SPOCK1: variants seen among roughly 807,000 people sequenced by gnomAD.
The protein encoded by SPOCK1 is testican-1.
In SPOCK1, 23 loss-of-function variants were observed where a neutral mutation model predicts 55.3. The observed-to-expected ratio is 0.42, with a 90% CI of 0.30 to 0.59. The LOEUF (loss-of-function observed/expected upper bound fraction) is 0.59, where lower values mean the gene tolerates loss of function less well. Among genes scored for constraint, SPOCK1 ranks in the 20% least tolerant of loss-of-function variants. SPOCK1 has a pLI of 0.22. For synonymous variants in SPOCK1, 226 were observed against 221.0 expected (o/e 1.02, Z -0.20); for missense variants, 499 against 552.5 (o/e 0.90, Z 0.97).
chr5:137,097,020 C>T (rs1315742217), intron 5 of SPOCK1, among the ~76,000 whole-genome samples: 10 of 152,170 alleles, frequency 6.6e-5, no homozygotes, highest in Admixed American at 5.9e-4. Context: ...ACCCATCTTT[C>T]GAGACTGGCA....
intron 2 of SPOCK1, among the ~76,000 whole-genome samples, chr5:137,481,198 A>T (rs1753943565): frequency 6.6e-6 from 1 of 152,028 alleles, no homozygotes; most frequent in African/African-American, 2.4e-5. Context: ...TCTCTCTGCA[A>T]GCCTCTCTGA....
chr5:137,016,120 G>GA (rs908800873), intron 6 of SPOCK1, among the ~76,000 whole-genome samples: 6 of 152,060 alleles, frequency 3.9e-5, no homozygotes, highest in Non-Finnish European at 7.4e-5. Flanking sequence ...TACCCCACTG[G>GA]AAAAAAGGCC....
At chr5:137,312,762 A>C (rs1757811729) in intron 2 of SPOCK1, among the ~76,000 whole-genome samples, 1 of 152,158 alleles carries the variant, frequency 6.6e-6, no homozygotes. Context: ...AGAGGTTCTG[A>C]AAAGAGATGC....
At chr5:137,002,865 G>A (rs1308336572) in intron 6 of SPOCK1, among the ~76,000 whole-genome samples, 1 of 152,156 alleles carries the variant, frequency 6.6e-6, no homozygotes, top group Non-Finnish European at 1.5e-5. Flanking sequence ...CCACTGTGGA[G>A]AGCCAGACTG....
chr5:137,414,416 TATGTGCTGGG>T (rs1752286042), intron 2 of SPOCK1, among the ~76,000 whole-genome samples: 1 of 152,242 alleles, frequency 6.6e-6, no homozygotes, highest in Non-Finnish European at 1.5e-5. Flanking sequence ...TTTGTTAATT[TATGTGCTGGG>T]TAAATTCACT....
chr5:137,340,408 G>A (rs963013407), intron 2 of SPOCK1, among the ~76,000 whole-genome samples: 2 of 152,200 alleles, frequency 1.3e-5, no homozygotes, highest in Admixed American at 6.5e-5. Flanking sequence ...ATCCAGGGCT[G>A]GCTGGATTCC....
intron 2 of SPOCK1, among the ~76,000 whole-genome samples, chr5:137,426,182 T>G (rs960706575): frequency 2.6e-5 from 4 of 152,242 alleles, no homozygotes; most frequent in African/African-American, 9.6e-5. Flanking sequence ...TTCATATGCC[T>G]GGCCAACAGT....
intron 2 of SPOCK1, among the ~76,000 whole-genome samples, chr5:137,396,480 G>A (rs922273966): frequency 4.6e-5 from 7 of 152,160 alleles, no homozygotes; most frequent in Non-Finnish European, 5.9e-5. Flanking sequence ...CATTAATTCC[G>A]GTGTCTGATA....
intron 3 of SPOCK1, among the ~76,000 whole-genome samples, chr5:137,217,809 C>T (rs989575858): frequency 1.3e-5 from 2 of 152,174 alleles, no homozygotes; most frequent in Admixed American, 6.5e-5. Flanking sequence ...GAGGAAATTA[C>T]AGCTCCGAGA....
chr5:137,199,791 C>G (rs1316730428), intron 3 of SPOCK1, among the ~76,000 whole-genome samples: 2 of 152,154 alleles, frequency 1.3e-5, no homozygotes, highest in Non-Finnish European at 2.9e-5. Context: ...ACTCCCAAAG[C>G]TTTTACATGC....
intron 3 of SPOCK1, among the ~76,000 whole-genome samples, chr5:137,200,493 A>T (rs1191403429): frequency 2.0e-5 from 3 of 152,088 alleles, no homozygotes; most frequent in Admixed American, 2.0e-4. Context: ...TGTCTCCCTC[A>T]CCAGCATCTA....
chr5:137,314,871 G>A (rs760026680), intron 2 of SPOCK1, among the ~76,000 whole-genome samples: 64 of 152,162 alleles, frequency 4.2e-4, no homozygotes, highest in Non-Finnish European at 7.3e-4. Context: ...CCAGTTCCAT[G>A]TCTTTAATTG....
At chr5:137,099,672 G>GTATA (rs34813771) in intron 5 of SPOCK1, among the ~76,000 whole-genome samples, 29 of 151,342 alleles carry the variant, frequency 1.9e-4, no homozygotes, top group Admixed American at 6.6e-4. Context: ...ATGTACATGT[G>GTATA]TATATATATA....
intron 6 of SPOCK1, among the ~76,000 whole-genome samples, chr5:136,995,838 G>C (rs1328846303): frequency 6.6e-6 from 1 of 152,154 alleles, no homozygotes; most frequent in African/African-American, 2.4e-5. Flanking sequence ...CTGTCACTCA[G>C]GGACAAGTCC....
At chr5:137,044,793 C>G (rs11953556) in intron 6 of SPOCK1, among the ~76,000 whole-genome samples, 1 of 132,886 alleles carries the variant, frequency 7.5e-6, no homozygotes, top group Non-Finnish European at 1.6e-5. Context: ...TCCCTCCCCC[C>G]TCCCCCGACC....
intron 2 of SPOCK1, among the ~76,000 whole-genome samples, chr5:137,391,169 G>A (rs1751714662): frequency 6.6e-6 from 1 of 152,112 alleles, no homozygotes; most frequent in Admixed American, 6.5e-5. Flanking sequence ...TTTTGTTCCT[G>A]TGTTAGTTTG....
At chr5:137,251,731 G>A (rs1756533783) in intron 3 of SPOCK1, among the ~76,000 whole-genome samples, 1 of 152,300 alleles carries the variant, frequency 6.6e-6, no homozygotes, top group East Asian at 1.9e-4. Flanking sequence ...AGAGCTCACA[G>A]TAAAATGTTT....
intron 2 of SPOCK1, among the ~76,000 whole-genome samples, chr5:137,475,715 T>C (rs1235162320): frequency 6.6e-6 from 1 of 152,128 alleles, no homozygotes; most frequent in African/African-American, 2.4e-5. Context: ...CATGAGTAGC[T>C]GGGACTACAA....
chr5:137,358,790 ACT>A (rs905947452), intron 2 of SPOCK1, among the ~76,000 whole-genome samples: 1 of 152,076 alleles, frequency 6.6e-6, no homozygotes, highest in Non-Finnish European at 1.5e-5. Context: ...AACCCCTAAG[ACT>A]CTGTCCAAAC....
Sources: gnomAD v4.1 joint callset for allele counts (sites outside exome capture counted in the v4.1 genomes callset) on GRCh38, gnomAD v4.1.1 for gene constraint, MANE v1.5 for transcripts, NCBI Gene and HGNC (gene_info 2026-07-23, HGNC 2026-07-21) for gene names.